ITGA1: variants seen among roughly 807,000 people sequenced by gnomAD.
ITGA1 encodes integrin subunit alpha 1.
In ITGA1, 85 loss-of-function variants were observed where a neutral mutation model predicts 145.9. The ratio of observed to expected loss-of-function variants is 0.58; its 90% confidence interval spans 0.49 to 0.70. The LOEUF (loss-of-function observed/expected upper bound fraction) is 0.70. Ranked by LOEUF, ITGA1 falls within the 30% of genes least tolerant of loss-of-function variation. ITGA1 has a pLI of 0.00. For missense variants in ITGA1, 1,351 were observed against 1,418.7 expected, an observed-to-expected ratio of 0.95 and a Z score of 0.77; for synonymous variants, 520 against 495.3, an observed-to-expected ratio of 1.05 and a Z score of -0.66.
At chr5:52,912,587 TATAGGTATTATATATAGTGTATCC>T in intron 14 of ITGA1, among the ~76,000 whole-genome samples, 1 of 138,604 alleles carries the variant, frequency 7.2e-6, no homozygotes, top group Admixed American at 7.2e-5. Context: ...GTGTATCCAC[TATAGGTATTATATATAGTGTATCC>T]ACTATATATT....
At chr5:52,946,501 T>A (rs1483148685) in intron 27 of ITGA1, among the ~76,000 whole-genome samples, 5 of 152,238 alleles carry the variant, frequency 3.3e-5, no homozygotes, top group Non-Finnish European at 5.9e-5. Context: ...TACAAATCTC[T>A]CCCCTGTTAG....
At chr5:52,935,033 A>T (rs1750945739) in intron 23 of ITGA1, among the ~76,000 whole-genome samples, 1 of 151,998 alleles carries the variant, frequency 6.6e-6, no homozygotes, top group South Asian at 2.1e-4. Context: ...CAGCAAAAAA[A>T]GAAAGAAAAC....
At chr5:52,832,698 ATT>A (rs1183985975) in intron 1 of ITGA1, among the ~76,000 whole-genome samples, 1 of 151,970 alleles carries the variant, frequency 6.6e-6, no homozygotes, top group African/African-American at 2.4e-5. Context: ...TTGGAAGCAG[ATT>A]TAAATACTGA....
At chr5:52,890,315 G>T (rs772861279) in intron 8 of ITGA1, among the ~76,000 whole-genome samples, 1 of 152,104 alleles carries the variant, frequency 6.6e-6, no homozygotes, top group Non-Finnish European at 1.5e-5. Context: ...AGAGTGTAAT[G>T]CTGTATATAA....
intron 1 of ITGA1, among the ~76,000 whole-genome samples, chr5:52,832,491 TCCCTTCTA>T (rs1417115774): frequency 6.6e-6 from 1 of 152,186 alleles, no homozygotes; most frequent in African/African-American, 2.4e-5. Context: ...TGAGGTCTCA[TCCCTTCTA>T]CCCATAAGAT....
At chr5:52,867,259 A>T (rs951636677) in intron 6 of ITGA1, 2 of 152,204 alleles carry the variant, frequency 1.3e-5, no homozygotes, top group African/African-American at 4.8e-5. Flanking sequence ...AGTTGAACTC[A>T]AACTTCAAAG....
intron 28 of ITGA1, among the ~76,000 whole-genome samples, chr5:52,948,614 T>C (rs957290104): frequency 6.6e-6 from 1 of 152,216 alleles, no homozygotes; most frequent in Non-Finnish European, 1.5e-5. Context: ...CTATAGCCAA[T>C]GTCCAGCTCT....
At chr5:52,890,653 C>T (rs1404355535) in intron 8 of ITGA1, among the ~76,000 whole-genome samples, 1 of 152,162 alleles carries the variant, frequency 6.6e-6, no homozygotes, top group African/African-American at 2.4e-5. Context: ...TTGATACAGG[C>T]ATACAGTGGC....
intron 1 of ITGA1, among the ~76,000 whole-genome samples, chr5:52,794,760 G>T (rs916069071): frequency 1.1e-4 from 16 of 151,804 alleles, no homozygotes; most frequent in African/African-American, 3.6e-4. Context: ...TGCTGGTGGA[G>T]GTCACATGGG....
At chr5:52,793,162 C>T (rs1007083847) in intron 1 of ITGA1, among the ~76,000 whole-genome samples, 2 of 152,044 alleles carry the variant, frequency 1.3e-5, no homozygotes, top group African/African-American at 4.8e-5. Context: ...TAATGCACCA[C>T]GGTATTATAA....
chr5:52,921,565 T>A (rs1020948194), intron 17 of ITGA1, among the ~76,000 whole-genome samples: 2 of 152,150 alleles, frequency 1.3e-5, no homozygotes, highest in African/African-American at 4.8e-5. Context: ...TGGATAAAAT[T>A]TGAATGGGTA....
At chr5:52,809,405 G>C (rs961883484) in intron 1 of ITGA1, among the ~76,000 whole-genome samples, 1 of 152,212 alleles carries the variant, frequency 6.6e-6, no homozygotes, top group Non-Finnish European at 1.5e-5. Flanking sequence ...GTTTAAACTG[G>C]CAAGTTCCAG....
chr5:52,815,704 A>G (rs1326418304), intron 1 of ITGA1, among the ~76,000 whole-genome samples: 1 of 152,160 alleles, frequency 6.6e-6, no homozygotes, highest in Non-Finnish European at 1.5e-5. Flanking sequence ...ATATCAATGA[A>G]TGTCTACTTA....
At chr5:52,867,131 G>A (rs1322098312) in intron 6 of ITGA1, 1 of 151,138 alleles carries the variant, frequency 6.6e-6, no homozygotes, top group East Asian at 1.9e-4. Flanking sequence ...AACATAATAT[G>A]TGCACATATA....
intron 1 of ITGA1, chr5:52,803,919 A>G (rs1363088720): frequency 6.6e-6 from 1 of 152,202 alleles, no homozygotes; most frequent in East Asian, 1.9e-4. Flanking sequence ...CAGGAAAAAG[A>G]TTTGAGTATT....
intron 28 of ITGA1, among the ~76,000 whole-genome samples, chr5:52,951,435 C>A (rs1751217678): frequency 6.6e-6 from 1 of 152,120 alleles, no homozygotes; most frequent in African/African-American, 2.4e-5. Context: ...GAAACAATTG[C>A]AGCACTTATA....
At chr5:52,800,211 G>C in intron 1 of ITGA1, 1 of 619,830 alleles carries the variant, frequency 1.6e-6, no homozygotes, top group South Asian at 2.0e-5. Context: ...GAGAGGAAAG[G>C]ATAGAGGAAG....
intron 16 of ITGA1, among the ~76,000 whole-genome samples, chr5:52,919,550 T>G (rs1750701276): frequency 6.6e-6 from 1 of 152,190 alleles, no homozygotes; most frequent in Admixed American, 6.5e-5. Context: ...AAATTTACTC[T>G]GTAACCAAAT....
At chr5:52,907,033 T>A (rs556824921) in intron 12 of ITGA1, among the ~76,000 whole-genome samples, 34 of 152,332 alleles carry the variant, frequency 2.2e-4, no homozygotes, top group Admixed American at 2.2e-3. Context: ...CTTCATCAGG[T>A]ACTTATAATT....
Sources: allele counts gnomAD v4.1 joint callset (sites outside exome capture counted in the v4.1 genomes callset), GRCh38; gene constraint gnomAD v4.1.1; transcripts MANE v1.5; gene names NCBI Gene and HGNC (gene_info 2026-07-23, HGNC 2026-07-21).